The following AUTS2 variants were observed in gnomAD, a reference collection of about 807,000 sequenced individuals.
The protein encoded by AUTS2 is activator of transcription and developmental regulator AUTS2, also known as autism susceptibility gene 2 protein.
A neutral mutation model predicts 112.4 loss-of-function variants in AUTS2; 17 were observed. The ratio of observed to expected loss-of-function variants is 0.15; its 90% CI spans 0.10 to 0.23. The LOEUF (loss-of-function observed/expected upper bound fraction) is 0.23. AUTS2 is among the 10% of genes least tolerant of loss of function. The pLI, the probability that AUTS2 is intolerant of heterozygous loss-of-function variation, is 1.00. For synonymous variants in AUTS2, 751 were observed against 702.7 expected, an observed-to-expected ratio of 1.07 and a Z score of -1.09; for missense variants, 1,510 against 1,701.6, an observed-to-expected ratio of 0.89 and a Z score of 1.98.
At chr7:69,618,734 A>C (rs1294255726) in intron 1 of AUTS2, among the ~76,000 whole-genome samples, 1 of 152,220 alleles carries the variant, frequency 6.6e-6, no homozygotes, top group Non-Finnish European at 1.5e-5. Context: ...ATAAAGCATA[A>C]CATAGCCAAC....
intron 4 of AUTS2, among the ~76,000 whole-genome samples, chr7:70,406,861 G>A (rs945682616): frequency 2.0e-5 from 3 of 152,168 alleles, no homozygotes; most frequent in Non-Finnish European, 2.9e-5. Context: ...CAACCCAGCC[G>A]CATCTGTGTA....
chr7:70,475,491 T>G (rs1797547264), intron 5 of AUTS2, among the ~76,000 whole-genome samples: 1 of 152,192 alleles, frequency 6.6e-6, no homozygotes, highest in Non-Finnish European at 1.5e-5. Flanking sequence ...CCTAAATGGC[T>G]GGGATCACAT....
chr7:70,774,740 T>C (rs1790578602), intron 12 of AUTS2: 1 of 152,498 alleles, frequency 6.6e-6, no homozygotes, highest in Non-Finnish European at 1.5e-5. Flanking sequence ...TTATACGAAA[T>C]ATGAAAAAAT....
intron 5 of AUTS2, among the ~76,000 whole-genome samples, chr7:70,606,518 A>G (rs1037576569): frequency 1.3e-5 from 2 of 152,178 alleles, no homozygotes; most frequent in African/African-American, 4.8e-5. Flanking sequence ...TGAAGCTTAT[A>G]TTATAGTGCA....
In AUTS2 at chr7:70,791,800, A is replaced by G. The variant is rs1486746952; in HGVS notation, c.*804A>G. On this transcript the variant is annotated 3_prime_UTR_variant, in exon 19 of 19. Transcript: ENST00000342771. The stretch of plus-strand genomic sequence containing the variant: ...ACCCCAGGCTGGAACTTAGCATCTG[A>G]AGTTGCCGCTTGTGGGCTCTGGGGG... 1 of 152,090 alleles carries G rather than the reference A, an allele frequency of 6.6e-6. No homozygotes were observed. Among genetic ancestry groups the G allele is most frequent in the Non-Finnish European group, 1.5e-5 (1 of 68,026 alleles). The allele number at this position is 152,090 out of a possible 1,614,324, so 9.4% of individuals were successfully genotyped here.
Position 70,631,811 on chromosome 7 carries a change from C to T in AUTS2, c.691-66758C>T, listed in dbSNP as rs1005563779. 2.4e-4 allele frequency among the ~76,000 whole-genome samples: 37 copies of T among 152,064 alleles called. No individual in the cohort carries two copies. Among genetic ancestry groups the T allele is most frequent in the Middle Eastern group, 3.2e-3 (1 of 316 alleles). On this transcript the variant is annotated intron_variant, in intron 5 of 18. Coordinates refer to ENST00000342771, the MANE Select transcript of AUTS2 (RefSeq NM_015570.4). The surrounding 1 kb of genome is among the most constrained non-coding windows in gnomAD (Gnocchi z 4.5). The stretch of plus-strand genomic sequence containing the variant: ...TTGACAGCATCTCCAGCCCCGCGCC[C>T]GTGTGTGCTAACTTGCTAGGGGGCA...
At chr7:70,384,865 G>T (rs1467030994) in intron 4 of AUTS2, among the ~76,000 whole-genome samples, 2 of 152,150 alleles carry the variant, frequency 1.3e-5, no homozygotes, top group Non-Finnish European at 2.9e-5. Context: ...TATTAATAAA[G>T]TCCTTGAACC....
chr7:70,341,420 C>T (rs563022833), intron 4 of AUTS2, among the ~76,000 whole-genome samples: 94 of 152,172 alleles, frequency 6.2e-4, no homozygotes, highest in Non-Finnish European at 1.2e-3. Flanking sequence ...AAATCATGGG[C>T]GGAGCCGCTG....
chr7:70,010,894 G>A (rs1799773856), intron 2 of AUTS2, among the ~76,000 whole-genome samples: 1 of 152,174 alleles, frequency 6.6e-6, no homozygotes, highest in Non-Finnish European at 1.5e-5. Flanking sequence ...GGAAGGAAAA[G>A]CTTGTAAGGG....
At chr7:70,660,705 G>A (rs751203365) in intron 5 of AUTS2, among the ~76,000 whole-genome samples, 2 of 152,228 alleles carry the variant, frequency 1.3e-5, no homozygotes, top group Non-Finnish European at 2.9e-5. Context: ...CTCACCAGGG[G>A]AAGTAGCTGT....
intron 4 of AUTS2, among the ~76,000 whole-genome samples, chr7:70,176,046 A>G (rs1474146705): frequency 6.6e-6 from 1 of 152,142 alleles, no homozygotes; most frequent in East Asian, 1.9e-4. Flanking sequence ...AGACACTTAG[A>G]TTTCAATATA....
intron 1 of AUTS2, among the ~76,000 whole-genome samples, chr7:69,729,253 T>G (rs1359508870): frequency 6.6e-6 from 1 of 152,098 alleles, no homozygotes; most frequent in Non-Finnish European, 1.5e-5. Flanking sequence ...AGGCAGAGTA[T>G]GAGAGGAGAG....
chr7:70,456,919 C>T (rs779917022), intron 5 of AUTS2, among the ~76,000 whole-genome samples: 1 of 152,222 alleles, frequency 6.6e-6, no homozygotes, highest in Non-Finnish European at 1.5e-5. Context: ...CAGCGACTTC[C>T]TGCAGTTTGA....
intron 4 of AUTS2, among the ~76,000 whole-genome samples, chr7:70,407,167 C>CA (rs1794573151): frequency 1.3e-5 from 2 of 152,284 alleles, no homozygotes; most frequent in South Asian, 4.1e-4. Flanking sequence ...ATACAGGATG[C>CA]AAGTAGGTTT....
chr7:69,762,608 C>G (rs1253619576), intron 1 of AUTS2, among the ~76,000 whole-genome samples: 2 of 152,122 alleles, frequency 1.3e-5, no homozygotes, highest in African/African-American at 4.8e-5. Context: ...TATGCCTAAA[C>G]AGCCCAGTTG....
At chr7:70,390,721 G>A (rs571088566) in intron 4 of AUTS2, among the ~76,000 whole-genome samples, 4 of 152,200 alleles carry the variant, frequency 2.6e-5, no homozygotes, top group South Asian at 4.2e-4. Flanking sequence ...AGCGAAGATG[G>A]GAAGAGTTAG....
intron 5 of AUTS2, among the ~76,000 whole-genome samples, chr7:70,692,461 A>G (rs537457232): frequency 1.8e-4 from 27 of 152,192 alleles, no homozygotes; most frequent in Non-Finnish European, 3.1e-4. Context: ...GTATTGTCTA[A>G]ACAGCTTCAG....
chr7:69,776,094 C>T (rs545171011), intron 1 of AUTS2, among the ~76,000 whole-genome samples: 9 of 152,032 alleles, frequency 5.9e-5, no homozygotes, highest in African/African-American at 1.9e-4. Flanking sequence ...TTGCATGTGT[C>T]GTGGTTATCG....
At chr7:69,609,046 G>A (rs1486185321) in intron 1 of AUTS2, among the ~76,000 whole-genome samples, 1 of 152,176 alleles carries the variant, frequency 6.6e-6, no homozygotes, top group Non-Finnish European at 1.5e-5. Flanking sequence ...GGCATCAGAG[G>A]CACAGATGTT....
Sources: gnomAD v4.1 joint callset for allele counts (sites outside exome capture counted in the v4.1 genomes callset) on GRCh38, gnomAD v4.1.1 for gene constraint, Gnocchi (gnomAD v3.1) non-coding constraint, MANE v1.5 for transcripts, NCBI Gene and HGNC (gene_info 2026-07-23, HGNC 2026-07-21) for gene names.